The following CLYBL variants were observed in gnomAD, a reference collection of about 807,000 sequenced individuals.
CLYBL encodes citramalyl-CoA lyase.
In CLYBL, 31 loss-of-function variants were observed where a neutral mutation model predicts 38.9. The observed-to-expected ratio is 0.80, with a 90% CI of 0.60 to 1.08. The LOEUF (loss-of-function observed/expected upper bound fraction) is 1.08. CLYBL is among the 50% of genes least tolerant of loss of function. CLYBL has a pLI of 0.00. For synonymous variants in CLYBL, 171 were observed against 158.6 expected (o/e 1.08, Z -0.59); for missense variants, 434 against 411.6 (o/e 1.05, Z -0.47).
chr13:99,635,774 G>A (rs1011998672), intron 1 of CLYBL, among the ~76,000 whole-genome samples: 1 of 152,176 alleles, frequency 6.6e-6, no homozygotes, highest in Non-Finnish European at 1.5e-5. Flanking sequence ...CCATTTACTG[G>A]CTGTATGAGC....
intron 1 of CLYBL, among the ~76,000 whole-genome samples, chr13:99,708,304 G>T (rs1311974488): frequency 1.3e-5 from 2 of 152,042 alleles, no homozygotes; most frequent in Admixed American, 6.5e-5. Flanking sequence ...TTTGTACAGT[G>T]GTCCCACCTT....
intron 1 of CLYBL, among the ~76,000 whole-genome samples, chr13:99,767,402 T>G (rs564176305): frequency 6.6e-6 from 1 of 152,334 alleles, no homozygotes; most frequent in East Asian, 1.9e-4. Flanking sequence ...CTTTTGAAAG[T>G]TTGATTTTAG....
chr13:99,788,409 AG>A (rs1443361548), intron 2 of CLYBL, among the ~76,000 whole-genome samples: 2 of 152,202 alleles, frequency 1.3e-5, no homozygotes, highest in Non-Finnish European at 1.5e-5. Flanking sequence ...TTTAGCATGA[AG>A]GGCTGTTGAA....
intron 2 of CLYBL, among the ~76,000 whole-genome samples, chr13:99,806,021 C>A (rs1004323774): frequency 2.6e-5 from 4 of 152,132 alleles, no homozygotes; most frequent in Non-Finnish European, 4.4e-5. Flanking sequence ...AGATTGTCTT[C>A]AGTTTTTCAC....
At chr13:99,882,862 G>A (rs1447910142) in intron 7 of CLYBL, among the ~76,000 whole-genome samples, 1 of 151,644 alleles carries the variant, frequency 6.6e-6, no homozygotes, top group Admixed American at 6.6e-5. Context: ...CCTCCTCAAG[G>A]AAACTGACAT....
At chr13:99,902,169 C>T (rs1461699184) in intron 8 of CLYBL, among the ~76,000 whole-genome samples, 2 of 152,114 alleles carry the variant, frequency 1.3e-5, no homozygotes, top group South Asian at 4.1e-4. Flanking sequence ...AATTTCTATC[C>T]TATTCTTAAC....
At chr13:99,733,362 G>A (rs1394327210) in intron 1 of CLYBL, among the ~76,000 whole-genome samples, 1 of 152,076 alleles carries the variant, frequency 6.6e-6, no homozygotes, top group Non-Finnish European at 1.5e-5. Flanking sequence ...TAGACAGAGA[G>A]GGCTGGTAAG....
chr13:99,660,430 G>A (rs182210129), intron 1 of CLYBL, among the ~76,000 whole-genome samples: 1 of 152,252 alleles, frequency 6.6e-6, no homozygotes, highest in East Asian at 1.9e-4. Flanking sequence ...CCTTGTACCA[G>A]CGTTTGCTCA....
chr13:99,658,079 T>C (rs1334179770), intron 1 of CLYBL, among the ~76,000 whole-genome samples: 1 of 152,048 alleles, frequency 6.6e-6, no homozygotes, highest in South Asian at 2.1e-4. Flanking sequence ...GCTGCAGCAG[T>C]GGGGCACAGG....
chr13:99,702,266 G>A (rs1046768745), intron 1 of CLYBL, among the ~76,000 whole-genome samples: 5 of 152,044 alleles, frequency 3.3e-5, no homozygotes, highest in East Asian at 1.9e-4. Context: ...ACAGGTATGC[G>A]CCACTCCGCT....
intron 1 of CLYBL, among the ~76,000 whole-genome samples, chr13:99,759,845 A>G (rs1330010845): frequency 6.6e-6 from 1 of 152,232 alleles, no homozygotes; most frequent in Admixed American, 6.5e-5. Context: ...GAATCATATA[A>G]AATTACCATT....
At chr13:99,895,625 G>A (rs1446460194), downstream of CLYBL, 1 of 152,194 alleles carries the variant, frequency 6.6e-6, no homozygotes, top group East Asian at 1.9e-4. Flanking sequence ...CCCGCGCTTG[G>A]GACCCGGCAG....
chr13:99,657,958 C>A (rs1211949550), intron 1 of CLYBL, among the ~76,000 whole-genome samples: 2 of 152,200 alleles, frequency 1.3e-5, no homozygotes, highest in Admixed American at 1.3e-4. Flanking sequence ...CCTCGCAGTC[C>A]GGGGCAGAAC....
At chr13:99,655,083 T>TC (rs2047311154) in intron 1 of CLYBL, among the ~76,000 whole-genome samples, 1 of 150,950 alleles carries the variant, frequency 6.6e-6, no homozygotes, top group East Asian at 1.9e-4. Flanking sequence ...TTTCTTTCTT[T>TC]TTTTTTTTTT....
At chr13:99,765,721 T>G (rs2049255805) in intron 1 of CLYBL, among the ~76,000 whole-genome samples, 1 of 152,030 alleles carries the variant, frequency 6.6e-6, no homozygotes, top group Non-Finnish European at 1.5e-5. Context: ...TTTTTTGTAT[T>G]TTTTCTAGAG....
intron 2 of CLYBL, among the ~76,000 whole-genome samples, chr13:99,785,007 C>T (rs1328252537): frequency 5.3e-5 from 8 of 151,664 alleles, no homozygotes; most frequent in African/African-American, 1.5e-4. Context: ...TTCTCCTGTC[C>T]TCAGCCTCCT....
At chr13:99,781,444 A>G (rs892968930) in intron 2 of CLYBL, among the ~76,000 whole-genome samples, 7 of 152,032 alleles carry the variant, frequency 4.6e-5, no homozygotes, top group African/African-American at 1.2e-4. Context: ...TGCTGGGATT[A>G]CAGGCATAAG....
At chr13:99,611,848 T>C (rs1236626008) in intron 1 of CLYBL, among the ~76,000 whole-genome samples, 1 of 152,270 alleles carries the variant, frequency 6.6e-6, no homozygotes, top group Non-Finnish European at 1.5e-5. Context: ...TTTGAAGGAC[T>C]ATGTCCATTT....
downstream of CLYBL, among the ~76,000 whole-genome samples, chr13:99,900,566 G>C (rs900745369): frequency 6.6e-6 from 1 of 152,056 alleles, no homozygotes; most frequent in African/African-American, 2.4e-5. Context: ...GCAATGCTAG[G>C]GGCACCTTCT....
Sources: gnomAD v4.1 joint callset for allele counts (sites outside exome capture counted in the v4.1 genomes callset) on GRCh38, gnomAD v4.1.1 for gene constraint, MANE v1.5 for transcripts, NCBI Gene and HGNC (gene_info 2026-07-23, HGNC 2026-07-21) for gene names.